MGMT: variants seen among roughly 807,000 people sequenced by gnomAD.
MGMT encodes the protein O-6-methylguanine-DNA methyltransferase, also known as methylated-DNA--protein-cysteine methyltransferase.
A neutral mutation model predicts 15.9 loss-of-function variants in MGMT; 14 were observed. That is an observed-to-expected ratio of 0.88 (90% confidence interval 0.58 to 1.37). MGMT has a LOEUF of 1.37. Among genes scored for constraint, MGMT ranks in the 40% most tolerant of loss-of-function variants. MGMT has a pLI of 0.00. For missense variants in MGMT, 282 were observed against 268.1 expected (o/e 1.05, Z -0.36); for synonymous variants, 130 against 118.2 (o/e 1.10, Z -0.65).
chr10:129,675,674 G>A (rs1034949426), intron 2 of MGMT, among the ~76,000 whole-genome samples: 2 of 152,174 alleles, frequency 1.3e-5, no homozygotes, highest in Non-Finnish European at 2.9e-5. Context: ...GCTCAGAGAA[G>A]CAGCATGTGT....
intron 2 of MGMT, among the ~76,000 whole-genome samples, chr10:129,640,595 G>A (rs1033078667): frequency 1.9e-4 from 6 of 32,394 alleles, no homozygotes; most frequent in Admixed American, 6.1e-4. Context: ...GAAAATACAC[G>A]AGGAAATACT....
chr10:129,633,074 G>A (rs1183514533), intron 2 of MGMT, among the ~76,000 whole-genome samples: 1 of 152,160 alleles, frequency 6.6e-6, no homozygotes, highest in Non-Finnish European at 1.5e-5. Context: ...GGATGTTTTT[G>A]TATGATGCTG....
chr10:129,485,812 A>G (rs1052680881), intron 1 of MGMT, among the ~76,000 whole-genome samples: 2 of 152,218 alleles, frequency 1.3e-5, no homozygotes, highest in Non-Finnish European at 2.9e-5. Flanking sequence ...TCATAAAAAT[A>G]AAAGAGAGGC....
At chr10:129,492,357 T>C (rs1009336056) in intron 1 of MGMT, among the ~76,000 whole-genome samples, 3 of 152,194 alleles carry the variant, frequency 2.0e-5, no homozygotes, top group Non-Finnish European at 2.9e-5. Context: ...GTCTCCTAAA[T>C]GTCCTGATGG....
intron 2 of MGMT, among the ~76,000 whole-genome samples, chr10:129,643,063 C>T (rs1050873159): frequency 2.6e-5 from 4 of 152,244 alleles, no homozygotes; most frequent in South Asian, 4.2e-4. Context: ...TGATGACTTA[C>T]GGATGGAAAA....
At chr10:129,714,685 T>C (rs1045024897) in intron 3 of MGMT, among the ~76,000 whole-genome samples, 2 of 152,246 alleles carry the variant, frequency 1.3e-5, no homozygotes, top group Admixed American at 6.5e-5. Context: ...ATGCTTTTGC[T>C]GTGTGCTTTA....
chr10:129,762,862 G>T (rs1312550214), intron 4 of MGMT, among the ~76,000 whole-genome samples: 2 of 151,808 alleles, frequency 1.3e-5, no homozygotes, highest in Admixed American at 6.6e-5. Context: ...TTGACCAGAA[G>T]AAAAAAACGC....
At chr10:129,619,101 A>C (rs933461044) in intron 2 of MGMT, among the ~76,000 whole-genome samples, 4 of 152,168 alleles carry the variant, frequency 2.6e-5, no homozygotes, top group Non-Finnish European at 5.9e-5. Flanking sequence ...TGTTAAATAT[A>C]AATACACATT....
At chr10:129,522,432 C>A (rs1477348399) in intron 1 of MGMT, among the ~76,000 whole-genome samples, 1 of 152,162 alleles carries the variant, frequency 6.6e-6, no homozygotes, top group African/African-American at 2.4e-5. Context: ...GGAGATTGCC[C>A]TGAGGCTGGG....
chr10:129,705,025 C>T (rs1438621438), intron 2 of MGMT, among the ~76,000 whole-genome samples: 1 of 152,176 alleles, frequency 6.6e-6, no homozygotes, highest in African/African-American at 2.4e-5. Flanking sequence ...AAGGCAAGCA[C>T]CGCTCCACAC....
At chr10:129,735,023 T>C (rs1442000286) in intron 3 of MGMT, among the ~76,000 whole-genome samples, 2 of 152,118 alleles carry the variant, frequency 1.3e-5, no homozygotes, top group African/African-American at 4.8e-5. Context: ...TAAAATTCTC[T>C]TTTTTGGTTG....
At chr10:129,483,171 A>G (rs976410855) in intron 1 of MGMT, among the ~76,000 whole-genome samples, 1 of 152,232 alleles carries the variant, frequency 6.6e-6, no homozygotes, top group Non-Finnish European at 1.5e-5. Context: ...CACATGCAGA[A>G]TAAGCACCTT....
At position 129,770,406 on chromosome 10, in the gene MGMT, T is replaced by C. The variant is rs1160825477; in HGVS notation, c.*3409T>C. Among the ~76,000 whole-genome samples the C allele has an allele frequency of 1.3e-5, 2 of 152,176 alleles. No individual in the cohort carries two copies. Among genetic ancestry groups the C allele is most frequent in the Non-Finnish European group, 2.9e-5 (2 of 68,022 alleles). ...ATGTGAGGCATCCTCCTCACAGAAATGCATTTACGGATGTTGCTGTATCCC... is the reference window on the plus strand; with the variant it reads ...ATGTGAGGCATCCTCCTCACAGAAACGCATTTACGGATGTTGCTGTATCCC... On this transcript the variant is annotated 3_prime_UTR_variant, in exon 5 of 5. Coordinates refer to ENST00000651593, the MANE Select transcript of MGMT (RefSeq NM_002412.5).
intron 1 of MGMT, among the ~76,000 whole-genome samples, chr10:129,478,236 T>G (rs1219819254): frequency 6.9e-6 from 1 of 144,814 alleles, no homozygotes; most frequent in Non-Finnish European, 1.5e-5. Context: ...TTGGTTGATT[T>G]TTTCCCCCCC....
At chr10:129,608,752 A>C (rs1048765513) in intron 2 of MGMT, among the ~76,000 whole-genome samples, 4 of 152,164 alleles carry the variant, frequency 2.6e-5, no homozygotes, top group African/African-American at 9.7e-5. Context: ...TTTCTTTGGG[A>C]GGGGAGATGT....
At chr10:129,524,074 T>C (rs1037965813) in intron 1 of MGMT, among the ~76,000 whole-genome samples, 7 of 152,198 alleles carry the variant, frequency 4.6e-5, no homozygotes, top group African/African-American at 1.7e-4. Context: ...TACTGTGTCC[T>C]GATGACCTGG....
At chr10:129,695,420 A>G (rs1848018776) in intron 2 of MGMT, among the ~76,000 whole-genome samples, 1 of 152,256 alleles carries the variant, frequency 6.6e-6, no homozygotes, top group Admixed American at 6.5e-5. Flanking sequence ...AGAATTATTT[A>G]TTAATGAGCC....
intron 1 of MGMT, among the ~76,000 whole-genome samples, chr10:129,473,783 C>G (rs1190480449): frequency 6.6e-6 from 1 of 152,208 alleles, no homozygotes; most frequent in Non-Finnish European, 1.5e-5. Context: ...TGAGCCGTAG[C>G]TGAGGCTGGG....
chr10:129,705,682 C>G (rs1848152295), intron 2 of MGMT, among the ~76,000 whole-genome samples: 1 of 152,222 alleles, frequency 6.6e-6, no homozygotes, highest in Non-Finnish European at 1.5e-5. Context: ...GTGACTACAT[C>G]TTCTTTTCTA....
Sources: gnomAD v4.1 joint callset for allele counts (sites outside exome capture counted in the v4.1 genomes callset) on GRCh38, gnomAD v4.1.1 for gene constraint, MANE v1.5 for transcripts, NCBI Gene and HGNC (gene_info 2026-07-23, HGNC 2026-07-21) for gene names.